The following DNAJC11 variants were observed in gnomAD, a reference collection of about 807,000 sequenced individuals.
The protein encoded by DNAJC11 is dnaJ homolog subfamily C member 11.
DNAJC11 carries 15 observed loss-of-function variants against 78.6 expected under a neutral mutation model. That is an observed-to-expected ratio of 0.19 (90% CI 0.13 to 0.29). The LOEUF (loss-of-function observed/expected upper bound fraction) is 0.29. Among genes scored for constraint, DNAJC11 ranks in the 10% least tolerant of loss-of-function variants. The pLI is 1.00. For missense variants in DNAJC11, 547 were observed against 709.6 expected, an observed-to-expected ratio of 0.77 and a Z score of 2.60; for synonymous variants, 292 against 272.1, an observed-to-expected ratio of 1.07 and a Z score of -0.72.
intron 1 of DNAJC11, among the ~76,000 whole-genome samples, 185 bp downstream of exon 1, chr1:6,701,544 G>A (rs1411585057): frequency 6.6e-6 from 1 of 152,124 alleles, no homozygotes. Context: ...GGAACCCCCG[G>A]CGGGAGGGTC....
In DNAJC11 at chr1:6,635,589, T is replaced by G; in HGVS notation, c.*86A>C. ...AATAATAATATAAAATAAAAACATC[T>G]GATGTCTGGGTTTTTTCATTTCCAA... On this transcript the variant is annotated 3_prime_UTR_variant, in exon 16 of 16. Coordinates refer to ENST00000377577, the MANE Select transcript of DNAJC11 (RefSeq NM_018198.4). 1.5e-6 allele frequency: 2 copies of G among 1,376,146 alleles called. No homozygotes were observed. The allele number at this position is 1,376,146 out of a possible 1,614,324, so 85.2% of individuals were successfully genotyped here.
At chr1:6,637,606 G>C in intron 12 of DNAJC11, 102 bp from the exon 13 acceptor site, 3 of 1,347,008 alleles carry the variant, frequency 2.2e-6, no homozygotes, top group South Asian at 2.3e-5. Context: ...CAACATACTT[G>C]CTCAGGGCCT....
intron 3 of DNAJC11, among the ~76,000 whole-genome samples, chr1:6,669,513 TAGAA>T (rs1317572248): frequency 4.8e-4 from 58 of 121,832 alleles, no homozygotes; most frequent in Non-Finnish European, 8.1e-4. Context: ...AACTCTGTCT[TAGAA>T]AAGAAAAGAA....
Position 6,634,841 on chromosome 1 carries a change from A to C in DNAJC11, c.*834T>G. On this transcript the variant is annotated 3_prime_UTR_variant, in exon 16 of 16. Transcript: ENST00000377577. ...CACGCCTTTGGGTTGGGTGTGTCTG[A>C]TGTCTTGCCAAGCGCCTGGTCCTGT... 6.5e-6 allele frequency: 8 copies of C among 1,238,390 alleles called. No homozygotes were observed. In the South Asian group the frequency reaches 1.1e-4, roughly 17 times the overall value. 76.7% of individuals were successfully genotyped at this position (1,238,390 alleles called of 1,614,324 possible).
intron 7 of DNAJC11, among the ~76,000 whole-genome samples, chr1:6,650,090 G>A (rs1020138528): frequency 6.9e-6 from 1 of 144,264 alleles, no homozygotes; most frequent in African/African-American, 2.5e-5. Flanking sequence ...TAAGAGACCA[G>A]CCTGGCCAAC....
At chr1:6,662,563 A>C (rs1197359485) in intron 4 of DNAJC11, among the ~76,000 whole-genome samples, 1 of 152,110 alleles carries the variant, frequency 6.6e-6, no homozygotes, top group Non-Finnish European at 1.5e-5. Context: ...AAAACGCACC[A>C]ATCAGCGCTC....
intron 1 of DNAJC11, among the ~76,000 whole-genome samples, chr1:6,686,776 G>C (rs1310737494): frequency 2.6e-5 from 4 of 152,228 alleles, no homozygotes; most frequent in African/African-American, 9.6e-5. Context: ...AGACTGAATA[G>C]AGCATGCAAA....
intron 12 of DNAJC11, 167 bp downstream of exon 12, chr1:6,638,128 C>T: frequency 1.8e-6 from 1 of 568,832 alleles, no homozygotes; most frequent in Non-Finnish European, 3.0e-6. Flanking sequence ...TAATTATCTT[C>T]AGGGCAGGGA....
chr1:6,642,435 G>A (rs1333706677), intron 10 of DNAJC11, among the ~76,000 whole-genome samples: 1 of 152,148 alleles, frequency 6.6e-6, no homozygotes, highest in Admixed American at 6.6e-5. Context: ...TACATGTTCA[G>A]GAGATGATTT....
chr1:6,655,236 G>A (rs904019875), intron 4 of DNAJC11, among the ~76,000 whole-genome samples: 3 of 152,132 alleles, frequency 2.0e-5, no homozygotes, highest in Admixed American at 1.3e-4. Flanking sequence ...AAAGGTAAAC[G>A]TGTTTGTTTT....
Position 6,680,993 on chromosome 1 carries a change from C to T in DNAJC11, c.117G>A (p.Met39Ile), listed in dbSNP as rs1642542048. The T allele has an allele frequency of 6.2e-7, 1 of 1,614,034 alleles. No homozygotes were observed. Among genetic ancestry groups the T allele is most frequent in the Non-Finnish European group, 8.5e-7 (1 of 1,179,950 alleles). Residue 39 changes from methionine (M) to isoleucine (I), a missense_variant, in exon 2 of 16, where the codon ATG becomes ATA. Coordinates refer to ENST00000377577, the MANE Select transcript of DNAJC11 (RefSeq NM_018198.4). The surrounding 1 kb of genome is among the most constrained non-coding windows in gnomAD (Gnocchi z 4.0). ...CTCTGTGCTTGTCTGGATGGTAGAG[C>T]ATACAGAGCCTCCGGTAGGCAGCTT... ...ELKAAYRRLC[M>I]LYHPDKHRDP...
In DNAJC11 at chr1:6,636,242, C is replaced by G; in HGVS notation, c.1529G>C (p.Gly510Ala). ...KLILTEASKAGLPGFYDPCVG... is the reference protein window; with the variant it reads ...KLILTEASKAALPGFYDPCVG... Reference sequence around the variant, plus strand: ...ACACGGGTCATAAAAGCCAGGCAGCCCAGCCTGTAACAAACAAATTGCTAC... The same window carrying G: ...ACACGGGTCATAAAAGCCAGGCAGCGCAGCCTGTAACAAACAAATTGCTAC... The change falls in exon 15 of 16, where the codon GGG becomes GCG. Residue 510 changes from glycine to alanine, a missense_variant. Coordinates refer to ENST00000377577, the MANE Select transcript of DNAJC11 (RefSeq NM_018198.4). 1 of 1,613,958 alleles carries G rather than the reference C, an allele frequency of 6.2e-7. No homozygotes were observed. Among genetic ancestry groups the G allele is most frequent in the East Asian group, 2.2e-5 (1 of 44,882 alleles).
chr1:6,657,002 A>G (rs1642136758), intron 4 of DNAJC11, among the ~76,000 whole-genome samples: 2 of 152,034 alleles, frequency 1.3e-5, no homozygotes, highest in South Asian at 2.1e-4. Flanking sequence ...CAGGAAATAC[A>G]CTCTTCAAAA....
At position 6,645,008 on chromosome 1, in the gene DNAJC11, G is replaced by A. The variant is rs1641943803; in HGVS notation, c.980+33C>T. On this transcript the variant is annotated intron_variant, in intron 9 of 15. Transcript: ENST00000377577. The surrounding 1 kb of genome is among the most constrained non-coding windows in gnomAD (Gnocchi z 4.1). ...CTGTGAAGACCCGCATGCAGTACCAGTGTGCTTCCATTTTAGCCAGGCCAG... is the reference window on the plus strand; with the variant it reads ...CTGTGAAGACCCGCATGCAGTACCAATGTGCTTCCATTTTAGCCAGGCCAG... The A allele has an allele frequency of 1.3e-6, 2 of 1,593,104 alleles. No individual in the cohort carries two copies. The highest frequency in any genetic ancestry group is 1.7e-6 in the Non-Finnish European group (2 of 1,161,100).
At chr1:6,642,141 G>T (rs1231932259) in intron 10 of DNAJC11, among the ~76,000 whole-genome samples, 1 of 152,154 alleles carries the variant, frequency 6.6e-6, no homozygotes. Flanking sequence ...CAGGGGGTCA[G>T]GATGGCTGGG....
At chr1:6,687,355 T>C (rs201190035) in intron 1 of DNAJC11, among the ~76,000 whole-genome samples, 2 of 59,050 alleles carry the variant, frequency 3.4e-5, no homozygotes, top group South Asian at 5.8e-4. Context: ...ATACAGTCCC[T>C]TTTTTTTTTT....
chr1:6,682,025 T>C (rs560654080), intron 1 of DNAJC11, among the ~76,000 whole-genome samples: 20 of 151,962 alleles, frequency 1.3e-4, no homozygotes, highest in Non-Finnish European at 2.1e-4. Flanking sequence ...CCCAAAAATC[T>C]GCCAACTGAA....
intron 11 of DNAJC11, 52 bp from the exon 12 acceptor site, chr1:6,638,416 C>T: frequency 1.3e-6 from 2 of 1,562,626 alleles, no homozygotes; most frequent in East Asian, 2.3e-5. Context: ...GCCCAGCTTC[C>T]AGCCAACACA....
chr1:6,645,259 C>T lies in DNAJC11; in HGVS notation c.895-133G>A. ...TAAGGCAGGGGTCACGGTCTGGCAG[C>T]CGCAGTGAGTGCACCATGATTTATT... On this transcript the variant is annotated intron_variant, in intron 8 of 15. Coordinates refer to ENST00000377577, the MANE Select transcript of DNAJC11 (RefSeq NM_018198.4). This position sits in a 1 kb window ranked among gnomAD's most constrained non-coding sequence, Gnocchi z 4.1. 1 of 659,258 alleles carries T rather than the reference C, an allele frequency of 1.5e-6. No homozygotes were observed. Among genetic ancestry groups the T allele is most frequent in the South Asian group, 1.9e-5 (1 of 53,420 alleles). The allele number at this position is 659,258 out of a possible 1,614,324, so 40.8% of individuals were successfully genotyped here. A position where few individuals can be genotyped will look rare whatever the true frequency, so the allele number is the denominator to read the frequency against.
Sources: gnomAD v4.1 joint callset for allele counts (sites outside exome capture counted in the v4.1 genomes callset) on GRCh38, gnomAD v4.1.1 for gene constraint, Gnocchi (gnomAD v3.1) non-coding constraint, MANE v1.5 for transcripts, NCBI Gene and HGNC (gene_info 2026-07-23, HGNC 2026-07-21) for gene names.